The following LARGE1 variants were observed in gnomAD, a reference collection of about 807,000 sequenced individuals.
The protein encoded by LARGE1 is LARGE xylosyl- and glucuronyltransferase 1.
In LARGE1, 43 loss-of-function variants were observed where a neutral mutation model predicts 87.6. The ratio of observed to expected loss-of-function variants is 0.49; its 90% CI spans 0.38 to 0.63. The LOEUF (loss-of-function observed/expected upper bound fraction) is 0.63, where lower values mean the gene tolerates loss of function less well. Ranked by LOEUF, LARGE1 falls within the 30% of genes least tolerant of loss-of-function variation. LARGE1 has a pLI of 0.00. For missense variants in LARGE1, 802 were observed against 1,000.2 expected, an observed-to-expected ratio of 0.80 and a Z score of 2.67; for synonymous variants, 434 against 394.6, an observed-to-expected ratio of 1.10 and a Z score of -1.18.
chr22:33,688,506 C>T (rs5999060), intron 2 of LARGE1, among the ~76,000 whole-genome samples: 17,262 of 152,134 alleles, frequency 0.11, 1,515 homozygotes, highest in African/African-American at 0.25. Context: ...CATGCACCAT[C>T]ACGCGCGGCT....
chr22:33,665,487 T>C (rs889390894), intron 2 of LARGE1, among the ~76,000 whole-genome samples: 3 of 152,306 alleles, frequency 2.0e-5, no homozygotes, highest in Middle Eastern at 3.4e-3. Context: ...CAAATGAGGA[T>C]CAAGATTAGG....
the LARGE1 span, among the ~76,000 whole-genome samples, chr22:33,124,451 CA>C: frequency 6.7e-6 from 1 of 149,294 alleles, no homozygotes; most frequent in Non-Finnish European, 1.5e-5. Context: ...GCAGTGTTAG[CA>C]GCTCTTTGGT....
intron 5 of LARGE1, among the ~76,000 whole-genome samples, chr22:33,603,836 AG>A (rs1316332387): frequency 6.6e-6 from 1 of 152,220 alleles, no homozygotes. Flanking sequence ...AAAAATTGTA[AG>A]GGGAAGAGAT....
At chr22:33,110,875 A>G in the LARGE1 span, among the ~76,000 whole-genome samples, 33 of 152,236 alleles carry the variant, frequency 2.2e-4, no homozygotes, top group East Asian at 1.9e-3. Flanking sequence ...CTGTTGGCCT[A>G]TTTCTTTCAT....
At chr22:33,788,400 T>C (rs542832022) in intron 1 of LARGE1, among the ~76,000 whole-genome samples, 8 of 152,288 alleles carry the variant, frequency 5.3e-5, no homozygotes, top group Non-Finnish European at 1.5e-5. Flanking sequence ...TGAGAACAGA[T>C]GAATACAGTT....
chr22:33,332,782 G>A (rs1937900835), intron 10 of LARGE1, among the ~76,000 whole-genome samples: 1 of 152,186 alleles, frequency 6.6e-6, no homozygotes, highest in Non-Finnish European at 1.5e-5. Flanking sequence ...AATGTTTACA[G>A]ACTCTCTCTT....
intron 9 of LARGE1, among the ~76,000 whole-genome samples, chr22:33,370,228 C>G (rs547607263): frequency 2.3e-4 from 35 of 151,908 alleles, no homozygotes; most frequent in African/African-American, 8.4e-4. Flanking sequence ...ACACAGGGGC[C>G]GTTAAAAAAA....
chr22:33,526,230 T>C (rs1054571403), intron 6 of LARGE1, among the ~76,000 whole-genome samples: 2 of 152,182 alleles, frequency 1.3e-5, no homozygotes, highest in Non-Finnish European at 2.9e-5. Context: ...ACTATATTTA[T>C]ATGAAAAAAA....
At chr22:33,271,807 T>C (rs16992028), downstream of LARGE1, among the ~76,000 whole-genome samples, 20,179 of 152,244 alleles carry the variant, frequency 0.13, 3,297 homozygotes, top group African/African-American at 0.39. Flanking sequence ...TCTGTTGAAG[T>C]TGGGCATCCG....
intron 6 of LARGE1, among the ~76,000 whole-genome samples, chr22:33,491,492 A>T (rs1377664957): frequency 1.3e-5 from 2 of 152,182 alleles, no homozygotes; most frequent in Non-Finnish European, 2.9e-5. Context: ...TCAATAATTT[A>T]AAAGACAATG....
chr22:33,416,417 C>T (rs2066484584), intron 7 of LARGE1, among the ~76,000 whole-genome samples: 2 of 152,138 alleles, frequency 1.3e-5, no homozygotes, highest in South Asian at 4.1e-4. Flanking sequence ...CTCCACCCAC[C>T]CGTGCAGGCC....
chr22:33,850,822 A>G (rs1467678683), intron 1 of LARGE1, among the ~76,000 whole-genome samples: 1 of 152,028 alleles, frequency 6.6e-6, no homozygotes, highest in Non-Finnish European at 1.5e-5. Context: ...CTGGCTCCCC[A>G]TTCTAATTCT....
chr22:33,680,028 G>C (rs903307191), intron 2 of LARGE1, among the ~76,000 whole-genome samples: 1 of 152,080 alleles, frequency 6.6e-6, no homozygotes, highest in South Asian at 2.1e-4. Flanking sequence ...ACTTTATTAC[G>C]GCAGCTGTGG....
intron 11 of LARGE1, among the ~76,000 whole-genome samples, chr22:33,177,382 TAGAG>T (rs1043906572): frequency 3.9e-5 from 6 of 152,212 alleles, no homozygotes; most frequent in African/African-American, 7.2e-5. Flanking sequence ...TTTAATATAT[TAGAG>T]AGAACATTTA....
chr22:33,243,178 C>T (rs1310614473), intron 11 of LARGE1, among the ~76,000 whole-genome samples: 1 of 152,172 alleles, frequency 6.6e-6, no homozygotes, highest in Admixed American at 6.5e-5. Flanking sequence ...CATAACAAGA[C>T]AGAATTAACA....
chr22:33,249,662 C>T, intron 11 of LARGE1, among the ~76,000 whole-genome samples: 1 of 152,144 alleles, frequency 6.6e-6, no homozygotes, highest in Non-Finnish European at 1.5e-5. Flanking sequence ...CTGGGAGTTC[C>T]ATAGTTCTGG....
At chr22:33,540,498 C>A (rs1364685101) in intron 6 of LARGE1, among the ~76,000 whole-genome samples, 2 of 152,186 alleles carry the variant, frequency 1.3e-5, no homozygotes, top group African/African-American at 2.4e-5. Context: ...GGACAAGTGC[C>A]AGGATTTTAA....
Position 33,286,090 on chromosome 22 carries a change from A to G in LARGE1, c.1731-2742T>C, listed in dbSNP as rs113464961. Among the ~76,000 whole-genome samples, 200 of 152,362 alleles carry G rather than the reference A, an allele frequency of 1.3e-3. 3 individuals are homozygous for G. Among genetic ancestry groups the G allele is most frequent in the African/African-American group, 4.7e-3 (197 of 41,582 alleles). ...TTCCAGAGGAGGTTCGTAAAGGACGACAGCAAGATACAGAGTGTGGACGAG... is the reference window on the plus strand; with the variant it reads ...TTCCAGAGGAGGTTCGTAAAGGACGGCAGCAAGATACAGAGTGTGGACGAG... On this transcript the variant is annotated intron_variant, in intron 12 of 14. Transcript: ENST00000397394.
chr22:33,203,789 A>C (rs1470107727), intron 11 of LARGE1, among the ~76,000 whole-genome samples: 1 of 152,208 alleles, frequency 6.6e-6, no homozygotes, highest in Non-Finnish European at 1.5e-5. Context: ...CGCCTCTCAG[A>C]GATCTGGCTG....
Sources: gnomAD v4.1 joint callset for allele counts (sites outside exome capture counted in the v4.1 genomes callset) on GRCh38, gnomAD v4.1.1 for gene constraint, MANE v1.5 for transcripts, NCBI Gene and HGNC (gene_info 2026-07-23, HGNC 2026-07-21) for gene names.